ERC2: variants seen among roughly 807,000 people sequenced by gnomAD.
The protein encoded by ERC2 is ERC protein 2.
ERC2 carries 42 observed loss-of-function variants against 114.8 expected under a neutral mutation model. The observed-to-expected ratio is 0.37, with a 90% CI of 0.29 to 0.47. The LOEUF (loss-of-function observed/expected upper bound fraction) is 0.47. Among genes scored for constraint, ERC2 ranks in the 20% least tolerant of loss-of-function variants. ERC2 has a pLI of 0.99. For synonymous variants in ERC2, 454 were observed against 425.5 expected (o/e 1.07, Z -0.82); for missense variants, 939 against 1,150.7 (o/e 0.82, Z 2.66).
intron 2 of ERC2, among the ~76,000 whole-genome samples, chr3:56,306,230 T>C (rs2056220250): frequency 6.6e-6 from 1 of 152,084 alleles, no homozygotes; most frequent in South Asian, 2.1e-4. Context: ...ATCTAAAATA[T>C]TTACTAACTG....
chr3:55,977,186 A>T (rs2069657585), intron 12 of ERC2, among the ~76,000 whole-genome samples: 1 of 152,256 alleles, frequency 6.6e-6, no homozygotes, highest in African/African-American at 2.4e-5. Context: ...TCATAAAATT[A>T]CTAAAAGAAA....
rs114272028 is a variant in ERC2, at chr3:55,682,434, A to G, written c.*39+1360T>C. On this transcript the variant is annotated intron_variant, in intron 17 of 17. Transcript: ENST00000288221. ...GAGGCATTACATCTTTACTATGTAG[A>G]AAGATGTCGTACCTGAAAACCACCA... 3.3e-3 allele frequency among the ~76,000 whole-genome samples: 504 copies of G among 152,342 alleles called. 2 individuals carry two copies. The highest frequency in any genetic ancestry group is 0.02 in the Middle Eastern group (6 of 294).
At chr3:55,536,841 C>T (rs551234329) in intron 17 of ERC2, among the ~76,000 whole-genome samples, 318 of 152,280 alleles carry the variant, frequency 2.1e-3, no homozygotes, top group Non-Finnish European at 2.4e-3. Context: ...AGTGCCTCAA[C>T]CCCGTCCTAC....
At chr3:56,205,434 A>G (rs1461537932) in intron 3 of ERC2, among the ~76,000 whole-genome samples, 12 of 152,120 alleles carry the variant, frequency 7.9e-5, no homozygotes, top group African/African-American at 2.9e-4. Context: ...CAGGACCCCA[A>G]TTACTCTAGC....
intron 17 of ERC2, among the ~76,000 whole-genome samples, chr3:55,628,747 G>A (rs1315783394): frequency 1.3e-5 from 2 of 152,168 alleles, no homozygotes; most frequent in Non-Finnish European, 2.9e-5. Context: ...CCAGGAACCT[G>A]GCTATTAAGA....
chr3:55,978,629 G>A (rs996978545), intron 12 of ERC2, among the ~76,000 whole-genome samples: 3 of 152,164 alleles, frequency 2.0e-5, no homozygotes, highest in Non-Finnish European at 2.9e-5. Flanking sequence ...TGTGTTCCAC[G>A]CTCAGTGTGC....
chr3:56,128,758 G>A (rs6445767), intron 6 of ERC2, among the ~76,000 whole-genome samples: 138,740 of 152,174 alleles, frequency 0.91, 63,723 homozygotes, highest in East Asian at 1. Flanking sequence ...AGTCATCGCT[G>A]TGGAGAGAGC....
At chr3:55,656,118 A>ATT (rs1275737564) in intron 17 of ERC2, among the ~76,000 whole-genome samples, 2 of 151,714 alleles carry the variant, frequency 1.3e-5, no homozygotes, top group Non-Finnish European at 2.9e-5. Flanking sequence ...TTATTTATTT[A>ATT]TTTATTTTTC....
chr3:55,957,068 T>C (rs981268531), intron 12 of ERC2, among the ~76,000 whole-genome samples: 7 of 152,080 alleles, frequency 4.6e-5, no homozygotes, highest in African/African-American at 1.4e-4. Flanking sequence ...CATGATAACA[T>C]AGCATAAGAT....
intron 17 of ERC2, among the ~76,000 whole-genome samples, chr3:55,574,547 C>G (rs918960746): frequency 6.6e-6 from 1 of 152,090 alleles, no homozygotes; most frequent in Non-Finnish European, 1.5e-5. Flanking sequence ...GATAAAATCT[C>G]AGGTCTGTTA....
chr3:55,518,009 T>G (rs1212221689), intron 17 of ERC2, among the ~76,000 whole-genome samples: 1 of 152,176 alleles, frequency 6.6e-6, no homozygotes, highest in Non-Finnish European at 1.5e-5. Context: ...CATGTGGGGC[T>G]GGATGATTCT....
chr3:55,602,443 A>G (rs1024400899), intron 17 of ERC2, among the ~76,000 whole-genome samples: 18 of 152,230 alleles, frequency 1.2e-4, no homozygotes, highest in East Asian at 9.6e-4. Flanking sequence ...CAGAGGCACC[A>G]TAAGAGTTGG....
At chr3:56,396,985 G>C (rs961350526) in intron 2 of ERC2, among the ~76,000 whole-genome samples, 6 of 152,026 alleles carry the variant, frequency 3.9e-5, no homozygotes, top group Non-Finnish European at 7.3e-5. Context: ...AGAGTAATCA[G>C]TTCCCCTGCC....
chr3:56,026,619 CATTTT>C (rs2074069110), intron 7 of ERC2, among the ~76,000 whole-genome samples: 1 of 152,100 alleles, frequency 6.6e-6, no homozygotes, highest in Non-Finnish European at 1.5e-5. Flanking sequence ...TTCTTTTTGA[CATTTT>C]ATTTTGAGAT....
chr3:55,993,948 T>C (rs990976936), intron 10 of ERC2, among the ~76,000 whole-genome samples: 2 of 152,150 alleles, frequency 1.3e-5, no homozygotes, highest in African/African-American at 2.4e-5. Flanking sequence ...ACTTTAAAAA[T>C]GTAGAGCAGA....
chr3:56,147,714 G>A (rs1359089593), intron 5 of ERC2, among the ~76,000 whole-genome samples: 1 of 152,090 alleles, frequency 6.6e-6, no homozygotes, highest in Non-Finnish European at 1.5e-5. Context: ...GCATATTTAA[G>A]AGCAAGTGGT....
intron 3 of ERC2, among the ~76,000 whole-genome samples, chr3:56,264,668 C>A (rs1277763872): frequency 6.6e-6 from 1 of 151,284 alleles, no homozygotes. Flanking sequence ...GTAAAATTAT[C>A]CCTATTTGTA....
chr3:56,293,278 G>A (rs1449840939), intron 3 of ERC2, among the ~76,000 whole-genome samples: 1 of 152,206 alleles, frequency 6.6e-6, no homozygotes, highest in African/African-American at 2.4e-5. Flanking sequence ...CTCCCAATAA[G>A]TAACATTATG....
chr3:56,173,471 G>T lies in ERC2; in HGVS notation c.1124C>A (p.Ala375Asp). Residue 375 changes from alanine (A) to aspartate (D), a missense_variant, in exon 4 of 18, where the codon GCT becomes GAT. Transcript: ENST00000288221. ...CTTCATTTCGATGACAGTCTGGAGA[G>T]CCTTCGTCTTGGCTGGCTCCGGCTG... ...QLQPEPAKTK[A>D]LQTVIEMKDT... The T allele has an allele frequency of 6.2e-7, 1 of 1,613,936 alleles. No individual in the cohort carries two copies. The highest frequency in any genetic ancestry group is 2.2e-5 in the East Asian group (1 of 44,874).
Sources: gnomAD v4.1 joint callset for allele counts (sites outside exome capture counted in the v4.1 genomes callset) on GRCh38, gnomAD v4.1.1 for gene constraint, MANE v1.5 for transcripts, NCBI Gene and HGNC (gene_info 2026-07-23, HGNC 2026-07-21) for gene names.